The following NBEAL1 variants were observed in gnomAD, a reference collection of about 807,000 sequenced individuals.
NBEAL1 encodes the protein neurobeachin like 1.
A neutral mutation model predicts 351.3 loss-of-function variants in NBEAL1; 273 were observed. The observed-to-expected ratio is 0.78, with a 90% confidence interval of 0.70 to 0.86. NBEAL1 has a LOEUF of 0.86. Ranked by LOEUF, NBEAL1 falls within the 40% of genes least tolerant of loss-of-function variation. The probability of loss-of-function intolerance (pLI) is 0.00; values close to 1 mark genes in which losing one functional copy is unlikely to be tolerated. For synonymous variants in NBEAL1, 1,050 were observed against 1,086.4 expected, an observed-to-expected ratio of 0.97 and a Z score of 0.66; for missense variants, 2,961 against 3,201.3, an observed-to-expected ratio of 0.92 and a Z score of 1.81.
chr2:203,165,808 C>T (rs982011319), intron 36 of NBEAL1, among the ~76,000 whole-genome samples: 2 of 151,956 alleles, frequency 1.3e-5, no homozygotes, highest in East Asian at 1.9e-4. Context: ...TTTGGGAGAC[C>T]GAGGTGGGTG....
At chr2:203,164,686 C>G (rs987250019) in intron 36 of NBEAL1, among the ~76,000 whole-genome samples, 18 of 151,884 alleles carry the variant, frequency 1.2e-4, no homozygotes, top group African/African-American at 4.1e-4. Context: ...TGCAACATTG[C>G]AAGCTTAAAA....
intron 6 of NBEAL1, chr2:203,061,907 C>A: frequency 5.1e-6 from 1 of 197,570 alleles, no homozygotes; most frequent in South Asian, 7.8e-5. Context: ...TTATAAAATC[C>A]ATTATCACTG....
intron 6 of NBEAL1, among the ~76,000 whole-genome samples, chr2:203,059,852 T>A (rs1318917184): frequency 2.6e-5 from 4 of 152,158 alleles, no homozygotes; most frequent in African/African-American, 4.8e-5. Context: ...TGTCTTTTTT[T>A]AAAAAAAGTA....
At chr2:203,148,879 T>C (rs2063576576) in intron 33 of NBEAL1, 112 bp from the exon 34 acceptor site, 2 of 909,990 alleles carry the variant, frequency 2.2e-6, no homozygotes, top group South Asian at 3.7e-5. Flanking sequence ...ACTTAGCTTC[T>C]TTCTCATAAT....
intron 18 of NBEAL1, among the ~76,000 whole-genome samples, chr2:203,118,644 T>C (rs1574996168): frequency 1.3e-5 from 2 of 150,806 alleles, no homozygotes; most frequent in East Asian, 3.9e-4. Flanking sequence ...CAGGCTGGAG[T>C]GCAGTGGCGC....
At chr2:203,126,341 G>A (rs908983422) in intron 21 of NBEAL1, among the ~76,000 whole-genome samples, 1 of 151,978 alleles carries the variant, frequency 6.6e-6, no homozygotes, top group African/African-American at 2.4e-5. Flanking sequence ...TTGATATTTG[G>A]GATGTTGAGA....
chr2:203,162,259 A>C (rs2063989619), intron 36 of NBEAL1, among the ~76,000 whole-genome samples: 1 of 151,718 alleles, frequency 6.6e-6, no homozygotes, highest in African/African-American at 2.4e-5. Context: ...CCTGACCCCA[A>C]GTGATACTCC....
chr2:203,108,748 A>G (rs1334508427), intron 14 of NBEAL1, among the ~76,000 whole-genome samples: 1 of 152,138 alleles, frequency 6.6e-6, no homozygotes, highest in Non-Finnish European at 1.5e-5. Flanking sequence ...AGGAAAAAGG[A>G]GTAATAACCT....
At chr2:203,142,643 A>G (rs1421577122) in intron 31 of NBEAL1, among the ~76,000 whole-genome samples, 1 of 152,236 alleles carries the variant, frequency 6.6e-6, no homozygotes, top group Non-Finnish European at 1.5e-5. Context: ...CTTAGTGTTT[A>G]TTTAATTTAA....
At chr2:203,104,190 A>G (rs1240298905) in intron 12 of NBEAL1, among the ~76,000 whole-genome samples, 1 of 151,938 alleles carries the variant, frequency 6.6e-6, no homozygotes, top group Non-Finnish European at 1.5e-5. Flanking sequence ...CTGTCCAAGT[A>G]TACTGTAGGT....
At chr2:203,089,311 A>G (rs2106182166) in intron 10 of NBEAL1, among the ~76,000 whole-genome samples, 1 of 151,664 alleles carries the variant, frequency 6.6e-6, no homozygotes, top group East Asian at 1.9e-4. Flanking sequence ...GTGAGCCGAG[A>G]TCACCCCACT....
intron 10 of NBEAL1, among the ~76,000 whole-genome samples, chr2:203,090,522 G>A (rs978075174): frequency 3.9e-5 from 6 of 152,084 alleles, no homozygotes; most frequent in Admixed American, 1.3e-4. Flanking sequence ...TAGGAAAAAA[G>A]GTAAATAGAG....
At chr2:203,053,367 C>T (rs75356636) in intron 4 of NBEAL1, among the ~76,000 whole-genome samples, 5,376 of 152,192 alleles carry the variant, frequency 0.035, 306 homozygotes, top group African/African-American at 0.12. Flanking sequence ...CCATTTGTAT[C>T]TTCTTTGGTG....
At chr2:203,046,053 G>T (rs919462105) in intron 3 of NBEAL1, among the ~76,000 whole-genome samples, 3 of 152,122 alleles carry the variant, frequency 2.0e-5, no homozygotes, top group African/African-American at 7.2e-5. Context: ...AATGGCTCAA[G>T]CCTATAATCC....
Position 203,083,245 on chromosome 2 carries a change from A to G in NBEAL1, c.711A>G (p.Pro237=). The change falls in exon 9 of 56, where the codon CCA becomes CCG. Residue 237 remains proline, a synonymous_variant. Coordinates refer to ENST00000683969, the MANE Select transcript of NBEAL1 (RefSeq NM_001378026.1). ...GGAATGCTTTGCAAGCAATTTCTCCAGCCACTATGGAAGTTCTTATGCGAG... is the reference window on the plus strand; with the variant it reads ...GGAATGCTTTGCAAGCAATTTCTCCGGCCACTATGGAAGTTCTTATGCGAG... ...GQRNALQAIS[P]ATMEVLMRVL... is the part of the protein sequence containing the mutation. 6.4e-7 allele frequency: 1 copy of G among 1,551,550 alleles called. No individual in the cohort carries two copies. The highest frequency in any genetic ancestry group is 1.2e-5 in the South Asian group (1 of 83,982).
chr2:203,175,361 A>G, intron 42 of NBEAL1, 74 bp downstream of exon 42: 1 of 1,425,718 alleles, frequency 7.0e-7, no homozygotes, highest in South Asian at 1.2e-5. Context: ...CATGTCATGT[A>G]CTGTGTAACA....
intron 2 of NBEAL1, among the ~76,000 whole-genome samples, chr2:203,028,583 A>G (rs1259918260): frequency 6.6e-6 from 1 of 151,412 alleles, no homozygotes; most frequent in Non-Finnish European, 1.5e-5. Context: ...AGATCATTTC[A>G]AGTTTCATGG....
At position 203,175,021 on chromosome 2, in the gene NBEAL1, A is replaced by G. The variant is rs1047535738; in HGVS notation, c.6324-126A>G. On this transcript the variant is annotated intron_variant, in intron 41 of 55. Coordinates refer to ENST00000683969, the MANE Select transcript of NBEAL1 (RefSeq NM_001378026.1). Reference sequence around the variant, plus strand: ...TATAATGATATGAATACAGAGTTTGATAATGAGGCATATGAAGAAGGATGG... The same window carrying G: ...TATAATGATATGAATACAGAGTTTGGTAATGAGGCATATGAAGAAGGATGG... 3.8e-6 allele frequency: 3 copies of G among 781,194 alleles called. No individual in the cohort carries two copies. In the African/African-American group the frequency reaches 5.3e-5, roughly 14 times the overall value. The allele number at this position is 781,194 out of a possible 1,614,324, so 48.4% of individuals were successfully genotyped here. A position where few individuals can be genotyped will look rare whatever the true frequency, so the allele number is the denominator to read the frequency against.
chr2:203,146,866 G>T (rs548821152), intron 33 of NBEAL1, among the ~76,000 whole-genome samples: 5 of 152,212 alleles, frequency 3.3e-5, no homozygotes, highest in Admixed American at 3.3e-4. Context: ...TGCAGGACTG[G>T]TTCAACATTT....
Sources: allele counts gnomAD v4.1 joint callset (sites outside exome capture counted in the v4.1 genomes callset), GRCh38; gene constraint gnomAD v4.1.1; transcripts MANE v1.5; gene names NCBI Gene and HGNC (gene_info 2026-07-23, HGNC 2026-07-21).